CCDC91: variants seen among roughly 807,000 people sequenced by gnomAD.
CCDC91 encodes coiled-coil domain containing 91, also known as coiled-coil domain-containing protein 91.
CCDC91 carries 48 observed loss-of-function variants against 63.2 expected under a neutral mutation model. The observed-to-expected ratio is 0.76, with a 90% CI of 0.60 to 0.97. The LOEUF (loss-of-function observed/expected upper bound fraction) is 0.97, where lower values mean the gene tolerates loss of function less well. Among genes scored for constraint, CCDC91 ranks in the 50% least tolerant of loss-of-function variants. The pLI is 0.00. For missense variants in CCDC91, 500 were observed against 494.6 expected, an observed-to-expected ratio of 1.01 and a Z score of -0.10; for synonymous variants, 167 against 165.8, an observed-to-expected ratio of 1.01 and a Z score of -0.06.
chr12:28,390,928 CT>C (rs1052891187), intron 7 of CCDC91, among the ~76,000 whole-genome samples: 4 of 142,688 alleles, frequency 2.8e-5, no homozygotes, highest in Non-Finnish European at 4.6e-5. Context: ...TTCCTTTTTT[CT>C]TTTTCTTTCT....
chr12:28,241,317 A>T (rs982541085), intron 1 of CCDC91, among the ~76,000 whole-genome samples: 10 of 152,180 alleles, frequency 6.6e-5, no homozygotes, highest in African/African-American at 2.4e-4. Flanking sequence ...GTAAATTGAG[A>T]AGCATTTCCT....
chr12:28,397,582 A>G (rs1188501001), intron 8 of CCDC91, among the ~76,000 whole-genome samples: 2 of 152,148 alleles, frequency 1.3e-5, no homozygotes, highest in East Asian at 3.8e-4. Context: ...AAATATTTTG[A>G]GGGGCCTATG....
chr12:28,436,316 C>T (rs1948903252), intron 8 of CCDC91, among the ~76,000 whole-genome samples: 1 of 151,708 alleles, frequency 6.6e-6, no homozygotes, highest in Non-Finnish European at 1.5e-5. Context: ...ACATTTACAA[C>T]TAATCCAATT....
At position 28,349,618 on chromosome 12, in the gene CCDC91, C is replaced by A. The variant is rs1039841408; in HGVS notation, c.577-12820C>A. On this transcript the variant is annotated intron_variant, in intron 6 of 12. Coordinates refer to ENST00000536442, the MANE Select transcript of CCDC91 (RefSeq NM_018318.5). ...AAAATTATTTAGCTGGTCTTTCTTG[C>A]TTGGTTTGATAACCTTCTCTAGAGA... is the stretch of plus-strand genomic sequence containing the variant. Among the ~76,000 whole-genome samples, 4 of 152,062 alleles carry A rather than the reference C, an allele frequency of 2.6e-5. No homozygotes were observed. The South Asian group carries it at 6.2e-4, about 24-fold the overall frequency.
chr12:28,368,673 T>G (rs990190066), intron 7 of CCDC91, among the ~76,000 whole-genome samples: 14 of 152,208 alleles, frequency 9.2e-5, no homozygotes, highest in African/African-American at 3.4e-4. Context: ...CATGTTAATG[T>G]TAGTTTGTTT....
chr12:28,509,539 G>T (rs574047273), intron 12 of CCDC91, among the ~76,000 whole-genome samples: 5 of 151,678 alleles, frequency 3.3e-5, no homozygotes, highest in Non-Finnish European at 7.4e-5. Context: ...GCTTATTTCT[G>T]GATGAAAACA....
chr12:28,421,018 A>G (rs1206778982), intron 8 of CCDC91, among the ~76,000 whole-genome samples: 2 of 152,004 alleles, frequency 1.3e-5, no homozygotes, highest in Non-Finnish European at 2.9e-5. Context: ...TTTTCTCAGC[A>G]TAGATTTCTA....
chr12:28,473,932 T>C (rs1950949348), intron 11 of CCDC91, among the ~76,000 whole-genome samples: 1 of 151,736 alleles, frequency 6.6e-6, no homozygotes, highest in Non-Finnish European at 1.5e-5. Flanking sequence ...TAACAAATGA[T>C]CCACTCGGAA....
intron 12 of CCDC91, among the ~76,000 whole-genome samples, chr12:28,535,440 AAG>A (rs1942075896): frequency 6.6e-6 from 1 of 152,206 alleles, no homozygotes; most frequent in African/African-American, 2.4e-5. Context: ...GAAGAAGACA[AAG>A]AGTTTCAGTG....
Position 28,392,724 on chromosome 12 carries a change from C to T in CCDC91, c.762+1313C>T, listed in dbSNP as rs77076444. On this transcript the variant is annotated intron_variant, in intron 8 of 12. Coordinates refer to ENST00000536442, the MANE Select transcript of CCDC91 (RefSeq NM_018318.5). Reference sequence around the variant, plus strand: ...AGGCAAATTAACCTATCTTGTCCTCCTGGGAGAAAATCTAAAAGTTCCATT... The same window carrying T: ...AGGCAAATTAACCTATCTTGTCCTCTTGGGAGAAAATCTAAAAGTTCCATT... Among the ~76,000 whole-genome samples, 1,404 of 152,306 alleles carry T rather than the reference C, an allele frequency of 9.2e-3. 26 individuals are homozygous for T. The highest frequency in any genetic ancestry group is 0.032 in the African/African-American group (1,334 of 41,578).
chr12:28,429,662 G>A (rs1429979984), intron 8 of CCDC91, among the ~76,000 whole-genome samples: 1 of 152,006 alleles, frequency 6.6e-6, no homozygotes, highest in African/African-American at 2.4e-5. Context: ...GAAAGTAAGG[G>A]TATTATACAT....
chr12:28,253,588 C>G (rs1420503101), intron 1 of CCDC91, among the ~76,000 whole-genome samples: 1 of 152,142 alleles, frequency 6.6e-6, no homozygotes, highest in African/African-American at 2.4e-5. Flanking sequence ...CTTATGTATT[C>G]ATAAGTGTGA....
intron 8 of CCDC91, among the ~76,000 whole-genome samples, chr12:28,441,727 C>CAT (rs3037232): frequency 0.95 from 140,658 of 148,058 alleles, 67,271 homozygotes; most frequent in African/African-American, 0.99. Flanking sequence ...TCATATATAT[C>CAT]ATATATCTCA....
At chr12:28,271,092 G>A (rs1947740317) in intron 3 of CCDC91, among the ~76,000 whole-genome samples, 1 of 152,086 alleles carries the variant, frequency 6.6e-6, no homozygotes. Flanking sequence ...GGTAGGTACC[G>A]CATTATAGCT....
intron 1 of CCDC91, among the ~76,000 whole-genome samples, chr12:28,212,286 C>T (rs1478363724): frequency 1.3e-5 from 2 of 152,082 alleles, no homozygotes; most frequent in African/African-American, 2.4e-5. Flanking sequence ...ATTGGGTAGC[C>T]CCCAGAATCA....
chr12:28,410,867 G>GT, intron 8 of CCDC91, among the ~76,000 whole-genome samples: 1 of 152,122 alleles, frequency 6.6e-6, no homozygotes, highest in Middle Eastern at 3.4e-3. Context: ...GATTATTGAC[G>GT]TTTTTTCATT....
At position 28,261,350 on chromosome 12, in the gene CCDC91, A is replaced by G. The variant is rs566003976; in HGVS notation, c.109+1908A>G. Among the ~76,000 whole-genome samples the G allele has an allele frequency of 5.9e-5, 9 of 152,110 alleles. No individual in the cohort carries two copies. In the South Asian group the frequency reaches 1.5e-3, roughly 25 times the overall value. On this transcript the variant is annotated intron_variant, in intron 3 of 12. Transcript: ENST00000536442. Reference sequence around the variant, plus strand: ...AGGAGATTGCTGGGAGGAAGAGTACATAGATAGAATAAGGCTGAGTAGATT... The same window carrying G: ...AGGAGATTGCTGGGAGGAAGAGTACGTAGATAGAATAAGGCTGAGTAGATT...
intron 1 of CCDC91, 135 bp from the exon 2 acceptor site, chr12:28,257,067 T>C (rs1946503123): frequency 3.8e-6 from 2 of 528,636 alleles, no homozygotes; most frequent in East Asian, 6.4e-5. Flanking sequence ...TTGCAAATTC[T>C]TTTTTGCATA....
At chr12:28,527,094 A>G (rs1941328078) in intron 12 of CCDC91, among the ~76,000 whole-genome samples, 1 of 151,936 alleles carries the variant, frequency 6.6e-6, no homozygotes, top group African/African-American at 2.4e-5. Context: ...AACTGTCTGA[A>G]TTCTTTTTCA....
Sources: gnomAD v4.1 joint callset for allele counts (sites outside exome capture counted in the v4.1 genomes callset) on GRCh38, gnomAD v4.1.1 for gene constraint, MANE v1.5 for transcripts, NCBI Gene and HGNC (gene_info 2026-07-23, HGNC 2026-07-21) for gene names.